The following WNT9B variants were observed in gnomAD, a reference collection of about 807,000 sequenced individuals.
The protein encoded by WNT9B is protein Wnt-9b.
WNT9B carries 12 observed loss-of-function variants against 30.2 expected under a neutral mutation model. That is an observed-to-expected ratio of 0.40 (90% CI 0.26 to 0.64). The LOEUF is 0.64. Ranked by LOEUF, WNT9B falls within the 30% of genes least tolerant of loss-of-function variation. The pLI is 0.42. For synonymous variants in WNT9B, 218 were observed against 216.9 expected (o/e 1.01, Z -0.05); for missense variants, 442 against 485.2 (o/e 0.91, Z 0.84).
rs2084846233 is a variant in WNT9B, at chr17:46,851,615, A to G, written c.-24A>G. The G allele has an allele frequency of 4.8e-6, 6 of 1,237,298 alleles. No individual in the cohort carries two copies. The highest frequency in any genetic ancestry group is 3.2e-4 in the Middle Eastern group (1 of 3,172). 76.6% of individuals were successfully genotyped at this position (1,237,298 alleles called of 1,614,324 possible). ...AGCTTGAGCGGCGCGAGGAGATGCT[A>G]GAGGGCGCAGCGCCGCCAGCACCAT... On this transcript the variant is annotated 5_prime_UTR_variant, in exon 1 of 4. Transcript: ENST00000290015. The surrounding 1 kb of genome is among the most constrained non-coding windows in gnomAD (Gnocchi z 4.3).
At chr17:46,866,974 C>T (rs1013316787) in intron 1 of WNT9B, among the ~76,000 whole-genome samples, 1 of 152,222 alleles carries the variant, frequency 6.6e-6, no homozygotes. Context: ...CTTGCCTCCT[C>T]CTCACCCCCA....
In WNT9B at chr17:46,879,339, C is replaced by T. The variant is rs1159714902; in HGVS notation, c.*2621C>T. Among the ~76,000 whole-genome samples the T allele has an allele frequency of 1.3e-5, 2 of 152,112 alleles. No individual in the cohort carries two copies. The highest frequency in any genetic ancestry group is 2.9e-5 in the Non-Finnish European group (2 of 68,030). On this transcript the variant is annotated 3_prime_UTR_variant, in exon 4 of 4. Transcript: ENST00000290015. ...GGGTCTGTCTCGGAGCTGGTAAGCA[C>T]ATGTCCGCTCTGTGATGAGCCCTGG...
At chr17:46,845,142 C>T (rs1265505771) in intron 1 of WNT9B, among the ~76,000 whole-genome samples, 1 of 152,226 alleles carries the variant, frequency 6.6e-6, no homozygotes, top group Non-Finnish European at 1.5e-5. Context: ...AGCCACAGTG[C>T]CTGGTCTCCT....
At chr17:46,858,414 GA>G (rs1568122509) in intron 1 of WNT9B, among the ~76,000 whole-genome samples, 2 of 152,170 alleles carry the variant, frequency 1.3e-5, no homozygotes, top group Non-Finnish European at 2.9e-5. Context: ...TTCTACCCAA[GA>G]AATCTCTGCC....
chr17:46,886,035 A>C (rs1220640780), exon 5 of WNT9B: 1 of 151,576 alleles, frequency 6.6e-6, no homozygotes, highest in Non-Finnish European at 1.5e-5. Context: ...GGGCCAACCC[A>C]CCCTCCCCAA....
intron 1 of WNT9B, among the ~76,000 whole-genome samples, chr17:46,864,438 C>T (rs2085098327): frequency 6.6e-6 from 1 of 152,204 alleles, no homozygotes; most frequent in Non-Finnish European, 1.5e-5. Context: ...ATCAGACTCT[C>T]ACACTTTAGT....
At chr17:46,833,423 T>G (rs1598818760) in exon 1 of WNT9B, 1 of 516,994 alleles carries the variant, frequency 1.9e-6, no homozygotes, top group Admixed American at 1.9e-5. Context: ...TTACCAGCCC[T>G]CTAAGAAGAA....
intron 1 of WNT9B, among the ~76,000 whole-genome samples, chr17:46,846,283 C>T (rs1330081299): frequency 6.6e-6 from 1 of 152,190 alleles, no homozygotes; most frequent in Admixed American, 6.5e-5. Flanking sequence ...TCTGACCTTC[C>T]ACAGTCCAAT....
intron 1 of WNT9B, among the ~76,000 whole-genome samples, chr17:46,834,399 G>A (rs1333132637): frequency 1.3e-5 from 2 of 152,090 alleles, no homozygotes; most frequent in Admixed American, 6.5e-5. Flanking sequence ...GGGAGGGCGC[G>A]CATTAGGAGA....
chr17:46,866,217 C>G (rs12449290), intron 1 of WNT9B, among the ~76,000 whole-genome samples: 1 of 152,060 alleles, frequency 6.6e-6, no homozygotes, highest in African/African-American at 2.4e-5. Flanking sequence ...TGGTGTTGAG[C>G]AGCCACCCTC....
At chr17:46,874,988 A>T (rs535037574) in intron 2 of WNT9B, 113 bp from the exon 3 acceptor site, 1 of 1,534,796 alleles carries the variant, frequency 6.5e-7, no homozygotes, top group East Asian at 2.2e-5. Flanking sequence ...TGCCCATCAC[A>T]GCGCTGCCAC....
At chr17:46,857,474 CAAA>C (rs35196121) in intron 1 of WNT9B, among the ~76,000 whole-genome samples, 8 of 94,642 alleles carry the variant, frequency 8.5e-5, no homozygotes, top group Non-Finnish European at 9.4e-5. Context: ...GACTCTGTCT[CAAA>C]AAAAAAAAAA....
chr17:46,872,042 C>T (rs1157581141), intron 1 of WNT9B, among the ~76,000 whole-genome samples: 1 of 152,158 alleles, frequency 6.6e-6, no homozygotes, highest in East Asian at 1.9e-4. Context: ...ATCCCCTCTG[C>T]CTGCCCCCTC....
chr17:46,852,963 C>A (rs973909149), intron 1 of WNT9B, among the ~76,000 whole-genome samples: 3 of 152,152 alleles, frequency 2.0e-5, no homozygotes. Context: ...TAGCTCTGGG[C>A]TTAGCTTGCT....
intron 1 of WNT9B, among the ~76,000 whole-genome samples, chr17:46,856,502 T>C (rs2084941310): frequency 6.6e-6 from 1 of 150,990 alleles, no homozygotes; most frequent in Non-Finnish European, 1.5e-5. Flanking sequence ...TTTTTTTTTT[T>C]GAGATGGAGT....
Position 46,878,641 on chromosome 17 carries a change from G to A in WNT9B, c.*1923G>A, listed in dbSNP as rs1390970833. ...CCTTCCCAATCCATCTTGCTCCTCC[G>A]AGACCCCAACTCTGCCTCCACCCAG... is the stretch of plus-strand genomic sequence containing the variant. On this transcript the variant is annotated 3_prime_UTR_variant, in exon 4 of 4. Transcript: ENST00000290015. Among the ~76,000 whole-genome samples the A allele has an allele frequency of 3.3e-5, 5 of 152,206 alleles. No homozygotes were observed. The highest frequency in any genetic ancestry group is 1.3e-4 in the Admixed American group (2 of 15,280).
rs1248397686 is a variant in WNT9B, at chr17:46,851,741, C to A, written c.77+26C>A. ...GTCAGTGCCCGCCGCGCCCCCCGCC[C>A]GCTCCCCGGCCTGCCTGTCTCTCCC... On this transcript the variant is annotated intron_variant, in intron 1 of 3. Coordinates refer to ENST00000290015, the MANE Select transcript of WNT9B (RefSeq NM_003396.3). The surrounding 1 kb of genome is among the most constrained non-coding windows in gnomAD (Gnocchi z 4.3). 8.2e-7 allele frequency: 1 copy of A among 1,221,474 alleles called. No homozygotes were observed. The highest frequency in any genetic ancestry group is 1.0e-6 in the Non-Finnish European group (1 of 967,796). 75.7% of individuals were successfully genotyped at this position (1,221,474 alleles called of 1,614,324 possible). A position where few individuals can be genotyped will look rare whatever the true frequency, so the allele number is the denominator to read the frequency against.
chr17:46,881,585 C>T (rs147083274), downstream of WNT9B, among the ~76,000 whole-genome samples: 1 of 152,334 alleles, frequency 6.6e-6, no homozygotes, highest in Non-Finnish European at 1.5e-5. Flanking sequence ...TCCTCACCTC[C>T]TCCTGCCCTC....
chr17:46,880,499 G>A lies in WNT9B; in HGVS notation c.*3781G>A, dbSNP rs1302459561. On this transcript the variant is annotated 3_prime_UTR_variant, in exon 4 of 4. Coordinates refer to ENST00000290015, the MANE Select transcript of WNT9B (RefSeq NM_003396.3). ...ACAGGACCAAGTCTCTGCCTCATGG[G>A]GCTGACATCCTAGTGGGTGAGAAAG... 1.3e-5 allele frequency among the ~76,000 whole-genome samples: 2 copies of A among 152,158 alleles called. No individual in the cohort carries two copies. The highest frequency in any genetic ancestry group is 1.5e-5 in the Non-Finnish European group (1 of 68,040).
Sources: allele counts gnomAD v4.1 joint callset (sites outside exome capture counted in the v4.1 genomes callset), GRCh38; gene constraint gnomAD v4.1.1; non-coding constraint Gnocchi (gnomAD v3.1); transcripts MANE v1.5; gene names NCBI Gene and HGNC (gene_info 2026-07-23, HGNC 2026-07-21).